Variants in CMIP observed in about 807,000 individuals in gnomAD.
The protein encoded by CMIP is C-Maf-inducing protein.
A neutral mutation model predicts 97.3 loss-of-function variants in CMIP; 13 were observed. The ratio of observed to expected loss-of-function variants is 0.13; its 90% CI spans 0.09 to 0.21. CMIP has a LOEUF of 0.21. Among genes scored for constraint, CMIP ranks in the 10% least tolerant of loss-of-function variants. CMIP has a pLI of 1.00. For synonymous variants in CMIP, 538 were observed against 436.3 expected (o/e 1.23, Z -2.91); for missense variants, 847 against 1,024.9 (o/e 0.83, Z 2.37).
At chr16:81,541,678 G>T (rs1270470289) in intron 1 of CMIP, among the ~76,000 whole-genome samples, 2 of 152,204 alleles carry the variant, frequency 1.3e-5, no homozygotes, top group African/African-American at 4.8e-5. Flanking sequence ...CAGTGGAGTG[G>T]AGTGTCCCTA....
At chr16:81,651,439 CTT>C (rs2092427669) in intron 3 of CMIP, 1 of 959,026 alleles carries the variant, frequency 1.0e-6, no homozygotes, top group Non-Finnish European at 1.2e-6. Context: ...TGAGAGCACT[CTT>C]GTCTTCCTCA....
intron 4 of CMIP, among the ~76,000 whole-genome samples, chr16:81,656,514 G>A (rs1056135506): frequency 2.6e-5 from 4 of 152,216 alleles, no homozygotes; most frequent in Non-Finnish European, 5.9e-5. Context: ...AAAGAAGGGC[G>A]GGCACTTCTG....
intron 3 of CMIP, among the ~76,000 whole-genome samples, chr16:81,640,414 T>G (rs1260453970): frequency 6.6e-6 from 1 of 151,602 alleles, no homozygotes; most frequent in Admixed American, 6.6e-5. Context: ...ACGGCTCAGC[T>G]CGAGTCACCG....
In CMIP at chr16:81,661,861, C is replaced by G. The variant is rs199889908; in HGVS notation, c.744+915C>G. Among the ~76,000 whole-genome samples, 21 of 152,220 alleles carry G rather than the reference C, an allele frequency of 1.4e-4. No homozygotes were observed. The East Asian group carries it at 3.9e-3, about 28-fold the overall frequency. On this transcript the variant is annotated intron_variant, in intron 6 of 20. Transcript: ENST00000537098. ...TGGAGTCTGCCTCCCTATCAGGATT[C>G]CTTTTCTACCAATCCACACACCTTC... is the stretch of plus-strand genomic sequence containing the variant.
At chr16:81,495,663 G>T (rs922505737) in intron 1 of CMIP, among the ~76,000 whole-genome samples, 2 of 152,222 alleles carry the variant, frequency 1.3e-5, no homozygotes, top group East Asian at 3.9e-4. Context: ...TTTTATGTTT[G>T]TGGGAGGAAT....
intron 1 of CMIP, among the ~76,000 whole-genome samples, chr16:81,565,440 C>T (rs974281575): frequency 4.6e-5 from 7 of 152,186 alleles, no homozygotes; most frequent in African/African-American, 1.4e-4. Flanking sequence ...TCCTCCTGCT[C>T]CCCTCCTGGT....
At chr16:81,706,858 C>T (rs1908206033) in intron 19 of CMIP, among the ~76,000 whole-genome samples, 156 bp from the exon 20 acceptor site, 3 of 152,158 alleles carry the variant, frequency 2.0e-5, no homozygotes, top group Admixed American at 1.3e-4. Flanking sequence ...TCTAGTGGGC[C>T]ACCTACCCTG....
chr16:81,521,377 A>AC (rs11323720), intron 1 of CMIP, among the ~76,000 whole-genome samples: 111 of 150,636 alleles, frequency 7.4e-4, no homozygotes, highest in South Asian at 3.2e-3. Context: ...CGCATTTGCC[A>AC]CCCCCCCCCG....
chr16:81,662,183 T>A (rs912929934), intron 6 of CMIP, among the ~76,000 whole-genome samples: 13 of 152,142 alleles, frequency 8.5e-5, no homozygotes, highest in Non-Finnish European at 1.3e-4. Flanking sequence ...CTCCTCCATC[T>A]CCTGTCCAAT....
chr16:81,501,296 G>C (rs1336870920), intron 1 of CMIP, among the ~76,000 whole-genome samples: 1 of 152,252 alleles, frequency 6.6e-6, no homozygotes, highest in Non-Finnish European at 1.5e-5. Flanking sequence ...CGCACGGGCA[G>C]CAAATGCCCG....
At chr16:81,608,922 C>G (rs1221291355) in intron 2 of CMIP, among the ~76,000 whole-genome samples, 2 of 152,156 alleles carry the variant, frequency 1.3e-5, no homozygotes, top group South Asian at 2.1e-4. Flanking sequence ...TTCTAAAAAC[C>G]TATTTTAGAT....
intron 1 of CMIP, among the ~76,000 whole-genome samples, chr16:81,460,055 A>G (rs1346098958): frequency 6.6e-6 from 1 of 152,162 alleles, no homozygotes; most frequent in African/African-American, 2.4e-5. Context: ...CTGAGTCCCC[A>G]CAAGGCCTCA....
chr16:81,530,219 T>A (rs1448446709), intron 1 of CMIP, among the ~76,000 whole-genome samples: 1 of 152,134 alleles, frequency 6.6e-6, no homozygotes, highest in Non-Finnish European at 1.5e-5. Flanking sequence ...GGGTCCCACG[T>A]CTTATGAGGC....
chr16:81,663,471 GT>G (rs1456728666), intron 6 of CMIP, among the ~76,000 whole-genome samples: 100 of 152,068 alleles, frequency 6.6e-4, no homozygotes, highest in Non-Finnish European at 2.2e-4. Context: ...GTTGCCAGGG[GT>G]TGGGGAGAGG....
rs143871815 is a variant in CMIP, at chr16:81,614,680, A to ATGTGTG, written c.427-6184_427-6179dup. Among the ~76,000 whole-genome samples the ATGTGTG allele has an allele frequency of 2.0e-5, 3 of 149,622 alleles. No homozygotes were observed. Among genetic ancestry groups the ATGTGTG allele is most frequent in the Non-Finnish European group, 3.0e-5 (2 of 67,262 alleles). ...GTGTGTATGTATGTCTGTATGGTTT[A>ATGTGTG]TGTGTGTGTGTGTGTGTATGGTATG... is the stretch of plus-strand genomic sequence containing the variant. On this transcript the variant is annotated intron_variant, in intron 2 of 20. Transcript: ENST00000537098. The surrounding 1 kb of genome is among the most constrained non-coding windows in gnomAD (Gnocchi z 5.3).
intron 1 of CMIP, among the ~76,000 whole-genome samples, chr16:81,539,552 A>G (rs73596412): frequency 0.01 from 1,525 of 152,294 alleles, 25 homozygotes; most frequent in African/African-American, 0.035. Flanking sequence ...TGTTCTGATC[A>G]GGACTACAGG....
At chr16:81,653,903 C>T (rs74766636) in intron 4 of CMIP, among the ~76,000 whole-genome samples, 3,490 of 152,242 alleles carry the variant, frequency 0.023, 123 homozygotes, top group African/African-American at 0.08. Flanking sequence ...TTAAAACTCA[C>T]ATTCTCTCTG....
intron 7 of CMIP, among the ~76,000 whole-genome samples, chr16:81,669,326 T>TC (rs1567648680): frequency 1.5e-4 from 4 of 27,512 alleles, no homozygotes; most frequent in Non-Finnish European, 2.9e-4. Flanking sequence ...CCACACCCAC[T>TC]TCATACCTCC....
At chr16:81,493,249 T>G (rs2089433064) in intron 1 of CMIP, among the ~76,000 whole-genome samples, 1 of 152,000 alleles carries the variant, frequency 6.6e-6, no homozygotes, top group Admixed American at 6.5e-5. Context: ...AGCATCAGAG[T>G]GCAGTCTGAG....
Sources: gnomAD v4.1 joint callset for allele counts (sites outside exome capture counted in the v4.1 genomes callset) on GRCh38, gnomAD v4.1.1 for gene constraint, Gnocchi (gnomAD v3.1) non-coding constraint, MANE v1.5 for transcripts, NCBI Gene and HGNC (gene_info 2026-07-23, HGNC 2026-07-21) for gene names.